The following ABCC1 variants were observed in gnomAD, a reference collection of about 807,000 sequenced individuals.
ABCC1 encodes multidrug resistance-associated protein 1.
Under a neutral mutation model 172.9 loss-of-function variants are expected in ABCC1, and 83 were observed. That is an observed-to-expected ratio of 0.48 (90% CI 0.40 to 0.58). The LOEUF (loss-of-function observed/expected upper bound fraction) is 0.58. ABCC1 is among the 20% of genes least tolerant of loss of function. ABCC1 has a pLI of 0.00. For synonymous variants in ABCC1, 937 were observed against 825.2 expected, an observed-to-expected ratio of 1.14 and a Z score of -2.32; for missense variants, 1,817 against 2,002.7, an observed-to-expected ratio of 0.91 and a Z score of 1.77.
At chr16:15,993,051 T>G (rs913275835) in intron 1 of ABCC1, among the ~76,000 whole-genome samples, 1 of 152,214 alleles carries the variant, frequency 6.6e-6, no homozygotes, top group Non-Finnish European at 1.5e-5. Context: ...CTGACACCCC[T>G]GCTCTTTCCT....
chr16:16,068,367 G>T (rs1175725861), intron 13 of ABCC1, 65 bp downstream of exon 13: 24 of 1,588,510 alleles, frequency 1.5e-5, no homozygotes, highest in Non-Finnish European at 1.6e-5. Flanking sequence ...CGAAAGCATG[G>T]AAGTGCCCCC....
At chr16:16,081,029 G>C (rs991360698) in intron 16 of ABCC1, among the ~76,000 whole-genome samples, 1 of 151,990 alleles carries the variant, frequency 6.6e-6, no homozygotes, top group Admixed American at 6.6e-5. Context: ...TACTGCACCC[G>C]GCTAATTTTT....
At chr16:16,024,058 A>G (rs2048286376) in intron 5 of ABCC1, among the ~76,000 whole-genome samples, 1 of 152,030 alleles carries the variant, frequency 6.6e-6, no homozygotes, top group Non-Finnish European at 1.5e-5. Context: ...GTCTCTACTG[A>G]TCATAAAAAA....
At chr16:16,104,904 C>T (rs1168090835) in intron 20 of ABCC1, among the ~76,000 whole-genome samples, 1 of 152,192 alleles carries the variant, frequency 6.6e-6, no homozygotes, top group Non-Finnish European at 1.5e-5. Context: ...GCTGGCGGGG[C>T]TGCCCGGCAG....
chr16:16,068,395 C>A, intron 13 of ABCC1, 93 bp downstream of exon 13: 1 of 1,463,014 alleles, frequency 6.8e-7, no homozygotes, highest in Non-Finnish European at 9.4e-7. Context: ...GCCTCTAGAT[C>A]ACACTCCCGG....
chr16:16,102,833 C>T (rs934552713), intron 20 of ABCC1, 116 bp downstream of exon 20: 7 of 929,934 alleles, frequency 7.5e-6, no homozygotes, highest in Non-Finnish European at 6.5e-6. Context: ...TGGGCTTTTA[C>T]CTTCCCTCCC....
chr16:16,106,321 T>A (rs1405843179), intron 20 of ABCC1, among the ~76,000 whole-genome samples: 2 of 151,604 alleles, frequency 1.3e-5, no homozygotes, highest in East Asian at 1.9e-4. Flanking sequence ...ACATTTTGAA[T>A]CTTTTTCATG....
At chr16:16,111,055 A>G (rs1224516628) in intron 21 of ABCC1, among the ~76,000 whole-genome samples, 1 of 152,000 alleles carries the variant, frequency 6.6e-6, no homozygotes, top group Non-Finnish European at 1.5e-5. Flanking sequence ...TGCCGACCAC[A>G]CACCCGGCTA....
At chr16:16,053,773 TCAAAAAAAAAAAAAAAAA>T (rs1398084500) in intron 11 of ABCC1, among the ~76,000 whole-genome samples, 1 of 16,008 alleles carries the variant, frequency 6.2e-5, no homozygotes, top group Non-Finnish European at 1.2e-4. Flanking sequence ...AGACCCTGTC[TCAAAAAAAAAAAAAAAAA>T]AAAAAAAAAA....
rs1488695188 is a variant in ABCC1, at chr16:16,102,662, A to C, written c.2680A>C (p.Lys894Gln). The change falls in exon 20 of 31, where the codon AAG becomes CAG. Residue 894 changes from lysine (K) to glutamine (Q), a missense_variant. By Grantham distance (53) the Lys-to-Gln change is moderately conservative. Around this residue, in one of 3 missense-constraint regions of ABCC1, gnomAD observed 1,412 missense variants for 1,600.3 expected, o/e 0.88. Coordinates refer to ENST00000399410, the MANE Select transcript of ABCC1 (RefSeq NM_004996.4). The stretch of plus-strand genomic sequence containing the variant: ...CGTCAGCGGTCCAGGGAAGGAAGCA[A>C]AGCAAATGGAGAATGGCATGCTGGT... ...TGVSGPGKEAKQMENGMLVTD... is the reference protein window; with the variant it reads ...TGVSGPGKEAQQMENGMLVTD... The C allele has an allele frequency of 3.8e-6, 6 of 1,592,318 alleles. No homozygotes were observed. Among genetic ancestry groups the C allele is most frequent in the Non-Finnish European group, 5.1e-6 (6 of 1,169,312 alleles).
At chr16:16,111,607 G>A (rs1024832131) in intron 22 of ABCC1, 25 bp downstream of exon 22, 34 of 1,594,098 alleles carry the variant, frequency 2.1e-5, no homozygotes, top group African/African-American at 9.4e-5. Context: ...CTCCCACCCC[G>A]CCTGATTTGG....
intron 16 of ABCC1, among the ~76,000 whole-genome samples, chr16:16,081,772 C>T (rs1361305323): frequency 6.6e-6 from 1 of 152,128 alleles, no homozygotes; most frequent in Non-Finnish European, 1.5e-5. Context: ...GTAATCCCAG[C>T]ACTTTGGGAG....
chr16:16,140,441 C>G (rs1218487540), intron 30 of ABCC1, among the ~76,000 whole-genome samples: 14 of 152,156 alleles, frequency 9.2e-5, no homozygotes, highest in Admixed American at 9.2e-4. Context: ...CTCAAGTGAT[C>G]CTCCTGCCTC....
At chr16:15,969,965 A>T (rs1000395154) in intron 1 of ABCC1, among the ~76,000 whole-genome samples, 6 of 152,132 alleles carry the variant, frequency 3.9e-5, no homozygotes, top group Admixed American at 3.9e-4. Flanking sequence ...AAATGGCCAA[A>T]TAAATGAATA....
At chr16:16,034,458 T>G (rs2048673766) in intron 6 of ABCC1, among the ~76,000 whole-genome samples, 1 of 152,152 alleles carries the variant, frequency 6.6e-6, no homozygotes, top group Non-Finnish European at 1.5e-5. Flanking sequence ...CCCGGATGCA[T>G]GCTAATAACA....
intron 3 of ABCC1, among the ~76,000 whole-genome samples, chr16:16,011,327 A>AG: frequency 6.6e-6 from 1 of 152,012 alleles, no homozygotes; most frequent in Non-Finnish European, 1.5e-5. Flanking sequence ...TGGAAGGTTA[A>AG]GGGGAGGATG....
intron 5 of ABCC1, among the ~76,000 whole-genome samples, chr16:16,020,003 C>A (rs1427184968): frequency 6.6e-6 from 1 of 152,166 alleles, no homozygotes. Context: ...GGCTCTGCAG[C>A]CTCTGCCTCC....
In ABCC1 at chr16:15,988,142, T is replaced by C. The variant is rs190477284; in HGVS notation, c.49-19674T>C. On this transcript the variant is annotated intron_variant, in intron 1 of 30. Coordinates refer to ENST00000399410, the MANE Select transcript of ABCC1 (RefSeq NM_004996.4). ...TATGTTGGCCAGGCTGGTCTTGAAC[T>C]CCTGGCCTCAAGTGACCCACTTGTC... Among the ~76,000 whole-genome samples the C allele has an allele frequency of 3.1e-3, 465 of 152,204 alleles. 1 individual carries two copies. The highest frequency in any genetic ancestry group is 0.011 in the African/African-American group (449 of 41,528).
intron 1 of ABCC1, among the ~76,000 whole-genome samples, chr16:15,966,746 C>T (rs1211567896): frequency 6.6e-6 from 1 of 151,468 alleles, no homozygotes; most frequent in East Asian, 1.9e-4. Context: ...GAACTCCTGG[C>T]CTCAAGCGAT....
Sources: allele counts gnomAD v4.1 joint callset (sites outside exome capture counted in the v4.1 genomes callset), GRCh38; gene constraint gnomAD v4.1.1; regional missense constraint gnomAD v4.1.1; transcripts MANE v1.5; gene names NCBI Gene and HGNC (gene_info 2026-07-23, HGNC 2026-07-21).